EXOC6B: variants seen among roughly 807,000 people sequenced by gnomAD.
EXOC6B encodes the protein exocyst complex component 6B.
EXOC6B carries 54 observed loss-of-function variants against 113.5 expected under a neutral mutation model. The observed-to-expected ratio is 0.48, with a 90% CI of 0.38 to 0.60. EXOC6B has a LOEUF of 0.60. EXOC6B is among the 20% of genes least tolerant of loss of function. The probability of loss-of-function intolerance (pLI) is 0.00; values close to 1 mark genes in which losing one functional copy is unlikely to be tolerated. For synonymous variants in EXOC6B, 357 were observed against 339.0 expected (o/e 1.05, Z -0.58); for missense variants, 797 against 977.5 (o/e 0.82, Z 2.46).
intron 8 of EXOC6B, among the ~76,000 whole-genome samples, chr2:72,536,075 A>G (rs146818433): frequency 3.9e-5 from 6 of 152,138 alleles, no homozygotes; most frequent in African/African-American, 1.4e-4. Context: ...AGTCACATAT[A>G]AAGGATTGAT....
rs1433010112 is a variant in EXOC6B at position 72,636,479 on chromosome 2, AAGG to A, written c.670-60814_670-60812del. On this transcript the variant is annotated intron_variant, in intron 6 of 21. Transcript: ENST00000272427. ...AAGGAGGAGGAGGAAGAAAAAGATGAAGGAGGAGAAGGAGGAGGAGGAGGAGGA... is the reference window on the plus strand; with the variant it reads ...AAGGAGGAGGAGGAAGAAAAAGATGAAGGAGAAGGAGGAGGAGGAGGAGGA... Among the ~76,000 whole-genome samples the A allele has an allele frequency of 3.4e-5, 5 of 146,362 alleles. No homozygotes were observed. The East Asian group carries it at 7.9e-4, about 23-fold the overall frequency.
intron 18 of EXOC6B, among the ~76,000 whole-genome samples, chr2:72,387,014 A>G (rs1692068137): frequency 6.6e-6 from 1 of 152,180 alleles, no homozygotes; most frequent in African/African-American, 2.4e-5. Flanking sequence ...TGTTAGCTAT[A>G]GATTTCTTAT....
At chr2:72,489,045 C>T (rs1276433017) in intron 16 of EXOC6B, among the ~76,000 whole-genome samples, 1 of 152,158 alleles carries the variant, frequency 6.6e-6, no homozygotes, top group African/African-American at 2.4e-5. Context: ...TACCTTCAGG[C>T]CTTTGCTCTG....
intron 20 of EXOC6B, among the ~76,000 whole-genome samples, chr2:72,282,502 T>C (rs1685184420): frequency 6.7e-6 from 1 of 149,920 alleles, no homozygotes; most frequent in African/African-American, 2.5e-5. Flanking sequence ...GAGGAAAAAG[T>C]TAAAAAAAAA....
intron 6 of EXOC6B, among the ~76,000 whole-genome samples, chr2:72,633,898 A>G (rs1165601474): frequency 1.3e-5 from 2 of 152,348 alleles, no homozygotes; most frequent in Non-Finnish European, 2.9e-5. Context: ...AAAAGTTAAC[A>G]GTGTTATGAA....
chr2:72,673,395 C>T lies in EXOC6B; in HGVS notation c.669+44708G>A, dbSNP rs116746109. On this transcript the variant is annotated intron_variant, in intron 6 of 21. Transcript: ENST00000272427. ...GTTCCCAACACAGGGATGCCTACAA[C>T]TCTGGCTAGCCAGAGTATCCCATTC... Among the ~76,000 whole-genome samples, 912 of 152,338 alleles carry T rather than the reference C, an allele frequency of 6.0e-3. 5 individuals carry two copies. The highest frequency in any genetic ancestry group is 8.7e-3 in the Non-Finnish European group (591 of 68,030).
intron 21 of EXOC6B, among the ~76,000 whole-genome samples, chr2:72,181,764 A>T (rs1037601445): frequency 6.6e-6 from 1 of 152,126 alleles, no homozygotes; most frequent in African/African-American, 2.4e-5. Flanking sequence ...CTGGAGTTGG[A>T]ACTAGGCACT....
At chr2:72,661,487 T>C (rs1310165922) in intron 6 of EXOC6B, among the ~76,000 whole-genome samples, 2 of 151,116 alleles carry the variant, frequency 1.3e-5, no homozygotes, top group Non-Finnish European at 2.9e-5. Flanking sequence ...AAATAAACAA[T>C]TTAAAACCAA....
intron 6 of EXOC6B, among the ~76,000 whole-genome samples, chr2:72,605,276 T>A (rs1307737766): frequency 6.8e-6 from 1 of 146,766 alleles, no homozygotes; most frequent in Non-Finnish European, 1.5e-5. Context: ...AGAGCAAGAC[T>A]CTGTCTCCCA....
intron 1 of EXOC6B, among the ~76,000 whole-genome samples, chr2:72,815,349 G>A (rs1686170341): frequency 6.6e-6 from 1 of 152,030 alleles, no homozygotes; most frequent in Admixed American, 6.6e-5. Context: ...AAATTAGCTG[G>A]ACGTGGTGTC....
intron 11 of EXOC6B, among the ~76,000 whole-genome samples, chr2:72,504,810 A>C (rs868754905): frequency 2.6e-5 from 4 of 152,130 alleles, no homozygotes; most frequent in African/African-American, 7.2e-5. Flanking sequence ...ATTCTTGAAT[A>C]ATGTTACCTC....
At chr2:72,714,595 T>A (rs372938873) in intron 6 of EXOC6B, among the ~76,000 whole-genome samples, 166 of 151,962 alleles carry the variant, frequency 1.1e-3, no homozygotes, top group Non-Finnish European at 2.1e-3. Context: ...CACATACAGA[T>A]CTTAAACAAT....
chr2:72,739,959 A>T (rs1681198468), intron 2 of EXOC6B, among the ~76,000 whole-genome samples: 1 of 152,188 alleles, frequency 6.6e-6, no homozygotes, highest in Non-Finnish European at 1.5e-5. Context: ...ATTAAGGTAA[A>T]TATTGTATAT....
chr2:72,417,854 A>C (rs1694627501), intron 18 of EXOC6B, among the ~76,000 whole-genome samples: 1 of 152,130 alleles, frequency 6.6e-6, no homozygotes, highest in Non-Finnish European at 1.5e-5. Flanking sequence ...ATTCGCCTGT[A>C]GTATCTTGTC....
chr2:72,722,785 G>A (rs1311168627), intron 5 of EXOC6B, among the ~76,000 whole-genome samples: 1 of 152,142 alleles, frequency 6.6e-6, no homozygotes, highest in African/African-American at 2.4e-5. Flanking sequence ...AACACACTTT[G>A]GGGTTTAGTT....
chr2:72,403,842 G>A (rs567673585), intron 18 of EXOC6B, among the ~76,000 whole-genome samples: 6 of 152,286 alleles, frequency 3.9e-5, no homozygotes, highest in South Asian at 2.1e-4. Context: ...CATCTCAGTG[G>A]GGGGTGTCAG....
intron 12 of EXOC6B, among the ~76,000 whole-genome samples, chr2:72,498,945 T>C (rs1199163526): frequency 6.6e-6 from 1 of 152,182 alleles, no homozygotes; most frequent in African/African-American, 2.4e-5. Flanking sequence ...AGATATAATA[T>C]GTGGTTCAAA....
chr2:72,396,707 C>G (rs2105136119), intron 18 of EXOC6B, among the ~76,000 whole-genome samples: 1 of 152,100 alleles, frequency 6.6e-6, no homozygotes, highest in African/African-American at 2.4e-5. Context: ...AATATGGTTT[C>G]CCTTATTCCT....
chr2:72,248,568 T>C (rs1191089499), intron 20 of EXOC6B, among the ~76,000 whole-genome samples: 5 of 152,194 alleles, frequency 3.3e-5, no homozygotes, highest in Admixed American at 3.3e-4. Context: ...GACCATTTAT[T>C]TGGGAACATC....
Sources: gnomAD v4.1 joint callset for allele counts (sites outside exome capture counted in the v4.1 genomes callset) on GRCh38, gnomAD v4.1.1 for gene constraint, MANE v1.5 for transcripts, NCBI Gene and HGNC (gene_info 2026-07-23, HGNC 2026-07-21) for gene names.